DRD3: variants seen among roughly 807,000 people sequenced by gnomAD.
The protein encoded by DRD3 is D(3) dopamine receptor.
DRD3 carries 19 observed loss-of-function variants against 36.3 expected under a neutral mutation model. The observed-to-expected ratio is 0.52, with a 90% confidence interval of 0.36 to 0.77. The LOEUF is 0.77. DRD3 is among the 30% of genes least tolerant of loss of function. DRD3 has a pLI of 0.00. For synonymous variants in DRD3, 195 were observed against 203.7 expected, an observed-to-expected ratio of 0.96 and a Z score of 0.36; for missense variants, 465 against 505.3, an observed-to-expected ratio of 0.92 and a Z score of 0.77.
At chr3:114,160,402 A>C (rs1377469152) in intron 2 of DRD3, among the ~76,000 whole-genome samples, 1 of 152,114 alleles carries the variant, frequency 6.6e-6, no homozygotes, top group Non-Finnish European at 1.5e-5. Context: ...ATGCGCCACC[A>C]AGCTGGGCTA....
At chr3:114,138,168 C>T (rs1444545760) in intron 5 of DRD3, among the ~76,000 whole-genome samples, 1 of 74,136 alleles carries the variant, frequency 1.3e-5, no homozygotes, top group African/African-American at 5.1e-5. Context: ...GACTCTGTCT[C>T]AAAAAAAAAA....
At chr3:114,177,914 G>A (rs1234171541) in intron 1 of DRD3, among the ~76,000 whole-genome samples, 1 of 152,152 alleles carries the variant, frequency 6.6e-6, no homozygotes, top group African/African-American at 2.4e-5. Context: ...CACCTATAAA[G>A]TGAAATAGTC....
rs1286313199 is a variant in DRD3, at chr3:114,156,743, T to TTCTTTC, written c.383+3011_383+3012insGAAAGA. ...TTTCTTTCTTTCTTTCTTTCTTTCT[T>TTCTTTC]TTTCTTTCTTTCTTTCTTTCTTTCT... On this transcript the variant is annotated intron_variant, in intron 3 of 6. Coordinates refer to ENST00000383673, the MANE Select transcript of DRD3 (RefSeq NM_000796.6). Among the ~76,000 whole-genome samples the TTCTTTC allele has an allele frequency of 5.3e-4, 11 of 20,690 alleles. 1 individual carries two copies. Among genetic ancestry groups the TTCTTTC allele is most frequent in the African/African-American group, 5.7e-4 (6 of 10,484 alleles). 13.6% of individuals were successfully genotyped at this position (20,690 alleles called of 152,430 possible).
intron 4 of DRD3, 93 bp downstream of exon 4, chr3:114,147,322 G>A (rs944257301): frequency 5.3e-6 from 8 of 1,495,664 alleles, no homozygotes; most frequent in Non-Finnish European, 7.3e-6. Flanking sequence ...CTGACCGGGG[G>A]TCAGAAATTG....
intron 2 of DRD3, among the ~76,000 whole-genome samples, chr3:114,165,223 A>G (rs1307791148): frequency 1.3e-5 from 2 of 152,250 alleles, no homozygotes; most frequent in Non-Finnish European, 2.9e-5. Context: ...AATGATGAGT[A>G]TAAGTGATGT....
intron 3 of DRD3, among the ~76,000 whole-genome samples, chr3:114,154,686 C>T (rs1289267295): frequency 6.6e-6 from 1 of 152,178 alleles, no homozygotes; most frequent in Non-Finnish European, 1.5e-5. Flanking sequence ...GCTGCAAAGA[C>T]GCGGAGGCTT....
rs150316534 is a variant in DRD3 at position 114,128,642 on chromosome 3, G to A, written c.*74C>T. On this transcript the variant is annotated 3_prime_UTR_variant, in exon 7 of 7. Transcript: ENST00000383673. ...TTCCTACTGCATGCCGGAGGACACT[G>A]CACAGTCTTTCTGAGTGGGCCAACA... 421 of 1,442,588 alleles carry A rather than the reference G, an allele frequency of 2.9e-4. No individual in the cohort carries two copies. In the African/African-American group the frequency reaches 5.5e-3, roughly 19 times the overall value. The allele number at this position is 1,442,588 out of a possible 1,614,324, so 89.4% of individuals were successfully genotyped here. A position where few individuals can be genotyped will look rare whatever the true frequency, so the allele number is the denominator to read the frequency against.
Position 114,150,736 on chromosome 3 carries a change from G to A in DRD3, c.384-3179C>T, listed in dbSNP as rs528584741. Among the ~76,000 whole-genome samples, 6 of 152,284 alleles carry A rather than the reference G, an allele frequency of 3.9e-5. No individual in the cohort carries two copies. In the South Asian group the frequency reaches 1.2e-3, roughly 32 times the overall value. ...ACCCTTGTTGTGCACCTCAAGGCCT[G>A]GGATTAAGGAAAGGAAGGACAGATG... On this transcript the variant is annotated intron_variant, in intron 3 of 6. Coordinates refer to ENST00000383673, the MANE Select transcript of DRD3 (RefSeq NM_000796.6).
intron 3 of DRD3, among the ~76,000 whole-genome samples, chr3:114,156,749 TTCTTTCTTTC>T (rs1559990920): frequency 3.0e-5 from 3 of 100,138 alleles, no homozygotes; most frequent in African/African-American, 1.2e-4. Flanking sequence ...TTCTTTTTCT[TTCTTTCTTTC>T]TTTCTTTCTT....
upstream of DRD3, among the ~76,000 whole-genome samples, chr3:114,180,478 C>G (rs1241692753): frequency 6.6e-6 from 1 of 151,994 alleles, no homozygotes; most frequent in African/African-American, 2.4e-5. Context: ...AATGTGCACA[C>G]AGAGGAAAGG....
chr3:114,143,720 G>A (rs2077547114), intron 4 of DRD3, among the ~76,000 whole-genome samples: 1 of 152,132 alleles, frequency 6.6e-6, no homozygotes, highest in Non-Finnish European at 1.5e-5. Context: ...CTGAAAACTA[G>A]GTGAGATGTT....
At chr3:114,163,619 T>C (rs1425974484) in intron 2 of DRD3, among the ~76,000 whole-genome samples, 5 of 152,184 alleles carry the variant, frequency 3.3e-5, no homozygotes, top group Non-Finnish European at 4.4e-5. Flanking sequence ...TCTAATATCA[T>C]AGGAGGTAGA....
At chr3:114,180,427 A>G (rs1027105850), upstream of DRD3, among the ~76,000 whole-genome samples, 2 of 152,136 alleles carry the variant, frequency 1.3e-5, no homozygotes, top group Admixed American at 1.3e-4. Flanking sequence ...GCCCTAATCC[A>G]ATATGACTGG....
chr3:114,184,260 A>G (rs1451236315), intron 1 of DRD3, among the ~76,000 whole-genome samples: 2 of 151,716 alleles, frequency 1.3e-5, no homozygotes, highest in Admixed American at 6.6e-5. Flanking sequence ...TTCTTTCTTC[A>G]CTCTTTTTGG....
intron 2 of DRD3, among the ~76,000 whole-genome samples, chr3:114,169,655 T>A (rs2107881321): frequency 6.6e-6 from 1 of 152,192 alleles, no homozygotes. Context: ...TACAGTGATT[T>A]CTTTAAGGCC....
At chr3:114,168,187 A>G (rs981264429) in intron 2 of DRD3, among the ~76,000 whole-genome samples, 1 of 152,238 alleles carries the variant, frequency 6.6e-6, no homozygotes, top group Non-Finnish European at 1.5e-5. Context: ...GGTTATCAAA[A>G]TACTCTATCA....
intron 2 of DRD3, among the ~76,000 whole-genome samples, chr3:114,163,275 T>TG: frequency 6.6e-6 from 1 of 151,836 alleles, no homozygotes; most frequent in Non-Finnish European, 1.5e-5. Flanking sequence ...ATGAATTTTT[T>TG]TTTTTCTATT....
At chr3:114,147,689 A>G in intron 3 of DRD3, 132 bp from the exon 4 acceptor site, 1 of 1,083,280 alleles carries the variant, frequency 9.2e-7, no homozygotes, top group South Asian at 1.6e-5. Flanking sequence ...CAGTGGCATG[A>G]TTACTGTTCA....
chr3:114,175,565 C>T (rs1434386228), intron 1 of DRD3, among the ~76,000 whole-genome samples: 1 of 152,216 alleles, frequency 6.6e-6, no homozygotes, highest in Non-Finnish European at 1.5e-5. Context: ...TCATCTCCCA[C>T]ATCCACAACT....
Sources: allele counts gnomAD v4.1 joint callset (sites outside exome capture counted in the v4.1 genomes callset), GRCh38; gene constraint gnomAD v4.1.1; transcripts MANE v1.5; gene names NCBI Gene and HGNC (gene_info 2026-07-23, HGNC 2026-07-21).